PALLD: variants seen among roughly 807,000 people sequenced by gnomAD.
PALLD encodes the protein palladin, cytoskeletal associated protein.
A neutral mutation model predicts 123.5 loss-of-function variants in PALLD; 61 were observed. That is an observed-to-expected ratio of 0.49 (90% CI 0.40 to 0.61). The LOEUF (loss-of-function observed/expected upper bound fraction) is 0.61, where lower values mean the gene tolerates loss of function less well. Ranked by LOEUF, PALLD falls within the 20% of genes least tolerant of loss-of-function variation. PALLD has a pLI of 0.00. For synonymous variants in PALLD, 465 were observed against 496.4 expected, an observed-to-expected ratio of 0.94 and a Z score of 0.84; for missense variants, 1,273 against 1,377.0, an observed-to-expected ratio of 0.92 and a Z score of 1.20.
chr4:168,845,381 T>C (rs1219133794), intron 10 of PALLD, among the ~76,000 whole-genome samples: 1 of 152,180 alleles, frequency 6.6e-6, no homozygotes, highest in African/African-American at 2.4e-5. Flanking sequence ...GATCCCTGGG[T>C]TCCACATTCA....
intron 13 of PALLD, among the ~76,000 whole-genome samples, chr4:168,897,028 A>G (rs1035729294): frequency 1.3e-5 from 2 of 151,978 alleles, no homozygotes; most frequent in Admixed American, 1.3e-4. Flanking sequence ...ATGGGGTTTC[A>G]CCATGTTGGT....
At chr4:168,753,431 A>G (rs13115625) in intron 10 of PALLD, among the ~76,000 whole-genome samples, 73,800 of 144,922 alleles carry the variant, frequency 0.51, 18,259 homozygotes, top group South Asian at 0.62. Context: ...CTGAGTTGGG[A>G]GGGATTTGAG....
intron 10 of PALLD, among the ~76,000 whole-genome samples, chr4:168,769,670 C>A (rs1734136229): frequency 6.6e-6 from 1 of 152,138 alleles, no homozygotes; most frequent in Non-Finnish European, 1.5e-5. Context: ...GAATGCTAAC[C>A]CTGCAAAACT....
intron 2 of PALLD, among the ~76,000 whole-genome samples, chr4:168,573,269 C>G (rs146593968): frequency 8.6e-5 from 13 of 152,014 alleles, no homozygotes; most frequent in African/African-American, 2.2e-4. Flanking sequence ...GCCAAAGGAT[C>G]CCTCCCCTAC....
chr4:168,661,422 T>C (rs66713138), intron 2 of PALLD, among the ~76,000 whole-genome samples: 35,516 of 152,134 alleles, frequency 0.23, 4,311 homozygotes, highest in Admixed American at 0.29. Flanking sequence ...AATGAATAAT[T>C]GATTGATGAA....
chr4:168,564,342 G>A (rs1015793642), intron 2 of PALLD, among the ~76,000 whole-genome samples: 4 of 152,090 alleles, frequency 2.6e-5, no homozygotes, highest in African/African-American at 7.2e-5. Context: ...CTACCATGAC[G>A]TTAGCATTTC....
intron 1 of PALLD, among the ~76,000 whole-genome samples, chr4:168,503,532 A>G (rs2149400376): frequency 6.6e-6 from 1 of 152,138 alleles, no homozygotes; most frequent in South Asian, 2.1e-4. Flanking sequence ...CTGTAGTCCC[A>G]GCTACTCAGG....
intron 2 of PALLD, among the ~76,000 whole-genome samples, chr4:168,659,709 A>G (rs538160377): frequency 1.3e-5 from 2 of 152,386 alleles, no homozygotes; most frequent in East Asian, 3.9e-4. Context: ...ACATTAGCCA[A>G]GATTCACTGA....
intron 2 of PALLD, among the ~76,000 whole-genome samples, chr4:168,607,665 G>A (rs1773319802): frequency 6.6e-6 from 1 of 152,010 alleles, no homozygotes; most frequent in South Asian, 2.1e-4. Flanking sequence ...GTAATTTGTT[G>A]GAGACCACAG....
chr4:168,608,375 T>C (rs78839665), intron 2 of PALLD, among the ~76,000 whole-genome samples: 9,792 of 152,222 alleles, frequency 0.064, 376 homozygotes, highest in Non-Finnish European at 0.08. Flanking sequence ...TTTTAAATGA[T>C]AAAATTTTCA....
intron 1 of PALLD, among the ~76,000 whole-genome samples, chr4:168,505,447 T>C (rs1158569526): frequency 6.6e-6 from 1 of 152,256 alleles, no homozygotes; most frequent in Non-Finnish European, 1.5e-5. Flanking sequence ...TGTGAAGTTT[T>C]AAAATGTATC....
chr4:168,644,643 AGCAAT>A (rs1777266701), intron 2 of PALLD, among the ~76,000 whole-genome samples: 2 of 152,206 alleles, frequency 1.3e-5, no homozygotes, highest in Admixed American at 6.5e-5. Context: ...GAGAGGACAC[AGCAAT>A]GGAAGCCCAA....
intron 10 of PALLD, among the ~76,000 whole-genome samples, chr4:168,734,965 G>T (rs1254094151): frequency 6.6e-6 from 1 of 152,066 alleles, no homozygotes; most frequent in African/African-American, 2.4e-5. Context: ...GAGGGAGAGG[G>T]TGATGCTAGT....
chr4:168,613,709 TG>T (rs1773949915), intron 2 of PALLD, among the ~76,000 whole-genome samples: 1 of 152,222 alleles, frequency 6.6e-6, no homozygotes, highest in South Asian at 2.1e-4. Flanking sequence ...AATGAACCTC[TG>T]GGATTACCCC....
intron 2 of PALLD, among the ~76,000 whole-genome samples, chr4:168,632,259 C>T (rs1337298271): frequency 6.6e-6 from 1 of 151,918 alleles, no homozygotes; most frequent in Non-Finnish European, 1.5e-5. Context: ...TTGCCTGCTG[C>T]GATTTGAGCC....
At chr4:168,661,167 A>C (rs977178850) in intron 2 of PALLD, among the ~76,000 whole-genome samples, 2 of 152,160 alleles carry the variant, frequency 1.3e-5, no homozygotes, top group Non-Finnish European at 2.9e-5. Context: ...TCGGCCTCCC[A>C]AAGTGCTGGG....
chr4:168,669,968 C>G (rs1231129090), intron 3 of PALLD, among the ~76,000 whole-genome samples: 1 of 152,108 alleles, frequency 6.6e-6, no homozygotes, highest in Non-Finnish European at 1.5e-5. Flanking sequence ...ATATTAACCA[C>G]CCTATCATAC....
Position 168,928,097 on chromosome 4 carries a change from C to T in PALLD, c.*1917C>T, listed in dbSNP as rs1030260321. On this transcript the variant is annotated 3_prime_UTR_variant, in exon 22 of 22. Coordinates refer to ENST00000505667, the MANE Select transcript of PALLD (RefSeq NM_001166108.2). ...TTAAGTGATTAATAGGCTTGAGCAC[C>T]GGGTGGCAGATGTTCTATGCAGTGT... 4.1e-5 allele frequency: 8 copies of T among 194,928 alleles called. No individual in the cohort carries two copies. Among genetic ancestry groups the T allele is most frequent in the Non-Finnish European group, 5.4e-5 (5 of 93,438 alleles). The allele number at this position is 194,928 out of a possible 1,614,324, so 12.1% of individuals were successfully genotyped here.
At chr4:168,708,419 A>C (rs1292027757) in intron 8 of PALLD, among the ~76,000 whole-genome samples, 3 of 152,176 alleles carry the variant, frequency 2.0e-5, no homozygotes, top group Non-Finnish European at 4.4e-5. Flanking sequence ...AGACTGACCA[A>C]AGTCACAAAG....
Sources: allele counts gnomAD v4.1 joint callset (sites outside exome capture counted in the v4.1 genomes callset), GRCh38; gene constraint gnomAD v4.1.1; transcripts MANE v1.5; gene names NCBI Gene and HGNC (gene_info 2026-07-23, HGNC 2026-07-21).